ASB18: variants seen among roughly 807,000 people sequenced by gnomAD.
ASB18 encodes the protein ankyrin repeat and SOCS box containing 18.
In ASB18, 33 loss-of-function variants were observed where a neutral mutation model predicts 33.4. That is an observed-to-expected ratio of 0.99 (90% CI 0.75 to 1.32). The LOEUF (loss-of-function observed/expected upper bound fraction) is 1.32. Ranked by LOEUF, ASB18 falls within the 40% of genes most tolerant of loss-of-function variation. The pLI is 0.00. For synonymous variants in ASB18, 295 were observed against 307.6 expected (o/e 0.96, Z 0.43); for missense variants, 694 against 655.5 (o/e 1.06, Z -0.64).
At chr2:236,218,481 A>AT (rs2106270723) in intron 3 of ASB18, among the ~76,000 whole-genome samples, 1 of 152,308 alleles carries the variant, frequency 6.6e-6, no homozygotes, top group African/African-American at 2.4e-5. Context: ...AAAAAGCTTA[A>AT]ATATATCTAT....
At chr2:236,227,813 T>C (rs1337739744) in intron 3 of ASB18, among the ~76,000 whole-genome samples, 2 of 152,250 alleles carry the variant, frequency 1.3e-5, no homozygotes, top group Admixed American at 6.5e-5. Context: ...GGCATCCCAT[T>C]CTTAACCTCC....
At position 236,241,406 on chromosome 2, in the gene ASB18, C is replaced by G. The variant is rs180959953; in HGVS notation, c.206-4G>C. On this transcript the variant is annotated splice_polypyrimidine_tract_variant and splice_region_variant and intron_variant, in intron 1 of 5. Transcript: ENST00000409749. This position sits in a 1 kb window ranked among gnomAD's most constrained non-coding sequence, Gnocchi z 4.2. ...GGCTTCAGATGGTCGAGGTCCCCTG[C>G]GACCAGGGCAGTGTGGTACTCCTGC... is the stretch of plus-strand genomic sequence containing the variant. 6.2e-7 allele frequency: 1 copy of G among 1,613,954 alleles called. No homozygotes were observed. The highest frequency in any genetic ancestry group is 1.7e-5 in the Admixed American group (1 of 60,022).
intron 3 of ASB18, among the ~76,000 whole-genome samples, chr2:236,218,402 G>C (rs144506729): frequency 4.6e-5 from 7 of 152,164 alleles, no homozygotes; most frequent in African/African-American, 1.7e-4. Context: ...TTAATGGCAT[G>C]GAAATACATT....
rs111975448 is a variant in ASB18, at chr2:236,217,424, A to ATAAAAT, written c.597-2559_597-2558insATTTTA. On this transcript the variant is annotated intron_variant, in intron 3 of 5. Coordinates refer to ENST00000409749, the MANE Select transcript of ASB18 (RefSeq NM_212556.4). The surrounding 1 kb of genome is among the most constrained non-coding windows in gnomAD (Gnocchi z 5.2). ...CGAGACTCTGTCTCAAAAAAAAAAA[A>ATAAAAT]AAATAAATCTTGGCACCTTCAACTC... Among the ~76,000 whole-genome samples the ATAAAAT allele has an allele frequency of 4.0e-5, 6 of 150,406 alleles. No homozygotes were observed. The highest frequency in any genetic ancestry group is 9.9e-5 in the African/African-American group (4 of 40,516).
chr2:236,262,212 G>A lies in ASB18; in HGVS notation c.205+1929C>T, dbSNP rs376295512. Among the ~76,000 whole-genome samples the A allele has an allele frequency of 1.8e-4, 27 of 152,318 alleles. No individual in the cohort carries two copies. The East Asian group carries it at 4.6e-3, about 26-fold the overall frequency. On this transcript the variant is annotated intron_variant, in intron 1 of 5. Transcript: ENST00000409749. The surrounding 1 kb of genome is among the most constrained non-coding windows in gnomAD (Gnocchi z 5.2). ...ATTCCCAATACACAAATCTTCAACC[G>A]GCTGGGACTGGTTTATGAAGGAAGA...
chr2:236,241,253 T>C lies in ASB18; in HGVS notation c.328+27A>G. Reference sequence around the variant, plus strand: ...GTATTAGTAGCCCCTTAAAAATAAATGACTGAGCTTTAAAGAACAAGGGTA... The same window carrying C: ...GTATTAGTAGCCCCTTAAAAATAAACGACTGAGCTTTAAAGAACAAGGGTA... On this transcript the variant is annotated intron_variant, in intron 2 of 5. Transcript: ENST00000409749. This position sits in a 1 kb window ranked among gnomAD's most constrained non-coding sequence, Gnocchi z 4.2. 1 of 1,612,166 alleles carries C rather than the reference T, an allele frequency of 6.2e-7. No homozygotes were observed. The highest frequency in any genetic ancestry group is 8.5e-7 in the Non-Finnish European group (1 of 1,178,520).
rs565956015 is a variant in ASB18, at chr2:236,244,424, A to G, written c.206-3022T>C. Among the ~76,000 whole-genome samples, 62 of 152,338 alleles carry G rather than the reference A, an allele frequency of 4.1e-4. No individual in the cohort carries two copies. The highest frequency in any genetic ancestry group is 3.5e-3 in the Admixed American group (53 of 15,306). Reference sequence around the variant, plus strand: ...TAGACCTGGGGACCCATGGGATCCCATCCCCACATGGTGTTGCAACCAGGA... The same window carrying G: ...TAGACCTGGGGACCCATGGGATCCCGTCCCCACATGGTGTTGCAACCAGGA... On this transcript the variant is annotated intron_variant, in intron 1 of 5. Transcript: ENST00000409749. This position sits in a 1 kb window ranked among gnomAD's most constrained non-coding sequence, Gnocchi z 6.1.
chr2:236,226,839 A>T lies in ASB18; in HGVS notation c.596+10850T>A, dbSNP rs2060542341. On this transcript the variant is annotated intron_variant, in intron 3 of 5. Transcript: ENST00000409749. The surrounding 1 kb of genome is among the most constrained non-coding windows in gnomAD (Gnocchi z 4.8). ...AGACTTGATTTTTAAAAACCTTTTT[A>T]TTTTTAAATTATTTTAGATTTTCAG... Among the ~76,000 whole-genome samples, 1 of 152,180 alleles carries T rather than the reference A, an allele frequency of 6.6e-6. No homozygotes were observed. Among genetic ancestry groups the T allele is most frequent in the South Asian group, 2.1e-4 (1 of 4,818 alleles).
At chr2:236,202,793 A>T (rs2060410966) in intron 4 of ASB18, among the ~76,000 whole-genome samples, 1 of 124,872 alleles carries the variant, frequency 8.0e-6, no homozygotes, top group Non-Finnish European at 1.6e-5. Context: ...AAAAAAAAAA[A>T]AATATATATA....
Position 236,217,605 on chromosome 2 carries a change from A to G in ASB18, c.597-2739T>C, listed in dbSNP as rs1273541600. Reference sequence around the variant, plus strand: ...TCTTTATATTGCCGCTGCTTTTCCTACTATATTAACCTAACTGGGGCTCTG... The same window carrying G: ...TCTTTATATTGCCGCTGCTTTTCCTGCTATATTAACCTAACTGGGGCTCTG... On this transcript the variant is annotated intron_variant, in intron 3 of 5. Transcript: ENST00000409749. The surrounding 1 kb of genome is among the most constrained non-coding windows in gnomAD (Gnocchi z 5.2). Among the ~76,000 whole-genome samples, 1 of 152,026 alleles carries G rather than the reference A, an allele frequency of 6.6e-6. No individual in the cohort carries two copies. Among genetic ancestry groups the G allele is most frequent in the African/African-American group, 2.4e-5 (1 of 41,378 alleles).
intron 4 of ASB18, among the ~76,000 whole-genome samples, chr2:236,202,004 C>T (rs1164410629): frequency 6.6e-6 from 1 of 151,788 alleles, no homozygotes; most frequent in Non-Finnish European, 1.5e-5. Flanking sequence ...GGCTGGGGTG[C>T]AATCACGAGA....
chr2:236,204,302 G>A lies in ASB18; in HGVS notation c.1102-7917C>T, dbSNP rs912600450. ...TGTCAGCCACGCCTGACATGTTGAC[G>A]ATGTCTTCCACCTCAATGCAGCCTT... is the stretch of plus-strand genomic sequence containing the variant. On this transcript the variant is annotated intron_variant, in intron 4 of 5. Transcript: ENST00000409749. This position sits in a 1 kb window ranked among gnomAD's most constrained non-coding sequence, Gnocchi z 5.1. 1.3e-5 allele frequency among the ~76,000 whole-genome samples: 2 copies of A among 152,208 alleles called. No homozygotes were observed. Among genetic ancestry groups the A allele is most frequent in the Non-Finnish European group, 1.5e-5 (1 of 68,010 alleles).
At position 236,241,038 on chromosome 2, in the gene ASB18, A is replaced by T. The variant is rs560137161; in HGVS notation, c.328+242T>A. Among the ~76,000 whole-genome samples, 2 of 152,310 alleles carry T rather than the reference A, an allele frequency of 1.3e-5. No individual in the cohort carries two copies. The highest frequency in any genetic ancestry group is 4.1e-4 in the South Asian group (2 of 4,826). On this transcript the variant is annotated intron_variant, in intron 2 of 5. Transcript: ENST00000409749. The surrounding 1 kb of genome is among the most constrained non-coding windows in gnomAD (Gnocchi z 4.2). ...ATGCTCCTTTGTAAAGACAAGAGGC[A>T]CACCCAGCGTCATCGGATAGGCATT...
At chr2:236,218,200 C>T (rs1204507802) in intron 3 of ASB18, among the ~76,000 whole-genome samples, 3 of 152,176 alleles carry the variant, frequency 2.0e-5, no homozygotes, top group African/African-American at 7.2e-5. Flanking sequence ...CTGGCCCACC[C>T]TCTGGAGGGC....
chr2:236,233,587 T>A (rs1452616958), intron 3 of ASB18, among the ~76,000 whole-genome samples: 1 of 152,112 alleles, frequency 6.6e-6, no homozygotes, highest in Non-Finnish European at 1.5e-5. Context: ...AAGGTCAATA[T>A]ACAAAAATAA....
At chr2:236,202,498 T>C (rs1450843694) in intron 4 of ASB18, among the ~76,000 whole-genome samples, 1 of 152,066 alleles carries the variant, frequency 6.6e-6, no homozygotes, top group African/African-American at 2.4e-5. Context: ...GTCTTTAAAA[T>C]GCTATTAGTT....
rs1387996438 is a variant in ASB18 at position 236,219,821 on chromosome 2, TAGAAAGGCAAAAGTC to T, written c.597-4970_597-4956del. 2.0e-5 allele frequency among the ~76,000 whole-genome samples: 3 copies of T among 152,162 alleles called. No individual in the cohort carries two copies. The highest frequency in any genetic ancestry group is 7.2e-5 in the African/African-American group (3 of 41,444). On this transcript the variant is annotated intron_variant, in intron 3 of 5. Transcript: ENST00000409749. This position sits in a 1 kb window ranked among gnomAD's most constrained non-coding sequence, Gnocchi z 6.4. ...GTGAGTGGGTTTCCTGCTGTCCTGA[TAGAAAGGCAAAAGTC>T]AGAAAGGCCTGGGGTCAGGGTAGAA...
At chr2:236,201,829 T>G (rs1230031614) in intron 4 of ASB18, among the ~76,000 whole-genome samples, 4 of 152,260 alleles carry the variant, frequency 2.6e-5, no homozygotes, top group Non-Finnish European at 2.9e-5. Flanking sequence ...CACTATGGGT[T>G]ATATCCTTGG....
In ASB18 at chr2:236,216,603, CT is replaced by C. The variant is rs1337504548; in HGVS notation, c.597-1738del. ...CTGAGCCATCTCATCACCTGAACTG[CT>C]TCCTCCCTCCACTCCCAGTGTCACT... On this transcript the variant is annotated intron_variant, in intron 3 of 5. Transcript: ENST00000409749. This position sits in a 1 kb window ranked among gnomAD's most constrained non-coding sequence, Gnocchi z 6.1. 6.6e-6 allele frequency among the ~76,000 whole-genome samples: 1 copy of C among 152,224 alleles called. No individual in the cohort carries two copies. The highest frequency in any genetic ancestry group is 2.4e-5 in the African/African-American group (1 of 41,466).
Sources: allele counts gnomAD v4.1 joint callset (sites outside exome capture counted in the v4.1 genomes callset), GRCh38; gene constraint gnomAD v4.1.1; non-coding constraint Gnocchi (gnomAD v3.1); transcripts MANE v1.5; gene names NCBI Gene and HGNC (gene_info 2026-07-23, HGNC 2026-07-21).